Variants in ZNF367 observed in about 807,000 individuals in gnomAD.
The protein encoded by ZNF367 is C2H2 zinc finger protein ZFF29.
A neutral mutation model predicts 31.8 loss-of-function variants in ZNF367; 11 were observed. The observed-to-expected ratio is 0.35, with a 90% CI of 0.22 to 0.57. ZNF367 has a LOEUF of 0.57. Ranked by LOEUF, ZNF367 falls within the 20% of genes least tolerant of loss-of-function variation. The probability of loss-of-function intolerance (pLI) is 0.85; values close to 1 mark genes in which losing one functional copy is unlikely to be tolerated. For synonymous variants in ZNF367, 199 were observed against 202.4 expected (o/e 0.98, Z 0.14); for missense variants, 353 against 484.1 (o/e 0.73, Z 2.54).
At chr9:96,415,538 C>A (rs1401350389) in intron 1 of ZNF367, among the ~76,000 whole-genome samples, 1 of 126,460 alleles carries the variant, frequency 7.9e-6, no homozygotes, top group Non-Finnish European at 1.6e-5. Flanking sequence ...CACTCTGTCC[C>A]CCAGGCTGGA....
chr9:96,415,478 CATTTTT>C (rs1831810087), intron 1 of ZNF367, among the ~76,000 whole-genome samples: 13 of 65,578 alleles, frequency 2.0e-4, no homozygotes, highest in Non-Finnish European at 2.7e-4. Flanking sequence ...TTAGTTTCTT[CATTTTT>C]TTTTTTTTTT....
intron 1 of ZNF367, among the ~76,000 whole-genome samples, chr9:96,415,204 G>A (rs1831803009): frequency 2.0e-5 from 3 of 149,982 alleles, no homozygotes; most frequent in Admixed American, 1.3e-4. Flanking sequence ...ACAGGCGCCA[G>A]CCACCACCCC....
chr9:96,392,567 A>C, intron 3 of ZNF367, 31 bp from the exon 4 acceptor site: 1 of 1,571,562 alleles, frequency 6.4e-7, no homozygotes, highest in Non-Finnish European at 8.7e-7. Context: ...ACCTGTCAGG[A>C]TCTGGACATC....
chr9:96,389,338 A>C (rs1382439512), intron 4 of ZNF367, among the ~76,000 whole-genome samples: 1 of 152,082 alleles, frequency 6.6e-6, no homozygotes, highest in Non-Finnish European at 1.5e-5. Flanking sequence ...TTTAAATGAC[A>C]GTAACAGATC....
In ZNF367 at chr9:96,417,999, T is replaced by C. The variant is rs1831859226; in HGVS notation, c.34A>G (p.Asn12Asp). Residue 12 changes from asparagine to aspartate, a missense_variant, in exon 1 of 5, where the codon AAC (asparagine) becomes GAC (aspartate). Asn to Asp is a conservative substitution (Grantham distance 23). Around this residue, in one of 5 missense-constraint regions of ZNF367, gnomAD observed 94 missense variants for 86.7 expected, o/e 1.08. Transcript: ENST00000375256. This position sits in a 1 kb window ranked among gnomAD's most constrained non-coding sequence, Gnocchi z 5.0. ...ACGGGCGGCGGCGGCGGCGGCGGGT[T>C]CTCCGCCATGGGCGCCTCGAAGCCC... is the stretch of plus-strand genomic sequence containing the variant. Reference protein sequence around the residue: ...IRGFEAPMAENPPPPPPPVIF... With the variant: ...IRGFEAPMAEDPPPPPPPVIF... 12 of 1,407,924 alleles carry C rather than the reference T, an allele frequency of 8.5e-6. No individual in the cohort carries two copies. The highest frequency in any genetic ancestry group is 1.1e-5 in the Non-Finnish European group (12 of 1,085,672). The allele number at this position is 1,407,924 out of a possible 1,614,324, so 87.2% of individuals were successfully genotyped here.
chr9:96,418,142 C>T lies in ZNF367; in HGVS notation c.-110G>A. 1 of 1,259,274 alleles carries T rather than the reference C, an allele frequency of 7.9e-7. No individual in the cohort carries two copies. 78.0% of individuals were successfully genotyped at this position (1,259,274 alleles called of 1,614,324 possible). ...CAGGCTCAGTCCTGCCGGCTCATGG[C>T]AGACTGACGTTTCCCGGAATCCTGC... On this transcript the variant is annotated 5_prime_UTR_variant, in exon 1 of 5. Coordinates refer to ENST00000375256, the MANE Select transcript of ZNF367 (RefSeq NM_153695.4).
At chr9:96,389,130 T>C (rs1305205326) in intron 4 of ZNF367, among the ~76,000 whole-genome samples, 1 of 151,922 alleles carries the variant, frequency 6.6e-6, no homozygotes, top group Non-Finnish European at 1.5e-5. Context: ...AAAACCCCTC[T>C]GTACTAAAAA....
chr9:96,386,032 GC>G lies in ZNF367; in HGVS notation c.*2204del, dbSNP rs1831405759. On this transcript the variant is annotated 3_prime_UTR_variant, in exon 5 of 5. Transcript: ENST00000375256. ...GTTAACTCTGCCAAACTACAACTTAGCCATATGAAGCATAAAACACTTCAAA... is the reference window on the plus strand; with the variant it reads ...GTTAACTCTGCCAAACTACAACTTAGCATATGAAGCATAAAACACTTCAAA... 1 of 151,984 alleles carries G rather than the reference GC, an allele frequency of 6.6e-6. No individual in the cohort carries two copies. The highest frequency in any genetic ancestry group is 1.5e-5 in the Non-Finnish European group (1 of 67,972). The allele number at this position is 151,984 out of a possible 1,614,324, so 9.4% of individuals were successfully genotyped here.
intron 1 of ZNF367, among the ~76,000 whole-genome samples, chr9:96,401,696 C>T (rs553392935): frequency 1.7e-4 from 24 of 144,270 alleles, no homozygotes; most frequent in African/African-American, 5.7e-4. Context: ...GGTGTAGTGG[C>T]GCACACTTGT....
intron 2 of ZNF367, among the ~76,000 whole-genome samples, chr9:96,397,333 C>G (rs1442796881): frequency 1.3e-5 from 2 of 151,264 alleles, no homozygotes; most frequent in Non-Finnish European, 1.5e-5. Flanking sequence ...TTTTGGCTCT[C>G]TAAATGATAT....
chr9:96,405,055 A>G (rs1440742833), intron 1 of ZNF367, among the ~76,000 whole-genome samples: 1 of 152,134 alleles, frequency 6.6e-6, no homozygotes, highest in Non-Finnish European at 1.5e-5. Context: ...CATGCAGTGT[A>G]TCACGCCTGT....
chr9:96,416,014 C>T (rs1323269657), intron 1 of ZNF367, among the ~76,000 whole-genome samples: 1 of 151,828 alleles, frequency 6.6e-6, no homozygotes, highest in East Asian at 1.9e-4. Context: ...AGTGATTCCC[C>T]AGCCTCAGCC....
chr9:96,392,558 C>T, intron 3 of ZNF367, 22 bp from the exon 4 acceptor site: 1 of 1,582,198 alleles, frequency 6.3e-7, no homozygotes. Flanking sequence ...AAGGTTAACA[C>T]CTGTCAGGAT....
chr9:96,403,223 C>G (rs148037563), intron 1 of ZNF367, among the ~76,000 whole-genome samples: 3 of 152,172 alleles, frequency 2.0e-5, no homozygotes, highest in Non-Finnish European at 2.9e-5. Context: ...CCGCCTTGGC[C>G]TCCCAAAGTG....
chr9:96,408,208 TAATA>T (rs1235268258), intron 1 of ZNF367, among the ~76,000 whole-genome samples: 4 of 151,996 alleles, frequency 2.6e-5, no homozygotes, highest in East Asian at 1.9e-4. Flanking sequence ...ACTTAAAGTA[TAATA>T]AATAAATAAA....
chr9:96,396,178 G>A (rs1471815440), intron 2 of ZNF367, among the ~76,000 whole-genome samples: 1 of 152,164 alleles, frequency 6.6e-6, no homozygotes, highest in Non-Finnish European at 1.5e-5. Context: ...GACACAGTGA[G>A]GTAGTGGTGA....
At chr9:96,405,314 C>CAAAAAAAAAAA (rs975848691) in intron 1 of ZNF367, among the ~76,000 whole-genome samples, 3 of 55,128 alleles carry the variant, frequency 5.4e-5, no homozygotes, top group African/African-American at 6.7e-5. Context: ...AACTCTGTCT[C>CAAAAAAAAAAA]AAAAAAAAAA....
chr9:96,406,364 A>G (rs537380946), intron 1 of ZNF367, among the ~76,000 whole-genome samples: 137 of 152,364 alleles, frequency 9.0e-4, no homozygotes, highest in African/African-American at 3.1e-3. Flanking sequence ...AAATTTTCAC[A>G]TTGAAAGAAA....
intron 3 of ZNF367, 36 bp downstream of exon 3, chr9:96,394,787 C>G (rs770161131): frequency 8.8e-6 from 14 of 1,598,318 alleles, no homozygotes; most frequent in African/African-American, 1.3e-5. Flanking sequence ...TAAGTCACAA[C>G]TAGTTATTCC....
Sources: allele counts gnomAD v4.1 joint callset (sites outside exome capture counted in the v4.1 genomes callset), GRCh38; gene constraint gnomAD v4.1.1; regional missense constraint gnomAD v4.1.1; non-coding constraint Gnocchi (gnomAD v3.1); transcripts MANE v1.5; gene names NCBI Gene and HGNC (gene_info 2026-07-23, HGNC 2026-07-21).